The following PREX2 variants were observed in gnomAD, a reference collection of about 807,000 sequenced individuals.
PREX2 encodes the protein phosphatidylinositol-3,4,5-trisphosphate dependent Rac exchange factor 2.
In PREX2, 107 loss-of-function variants were observed where a neutral mutation model predicts 203.2. The ratio of observed to expected loss-of-function variants is 0.53; its 90% CI spans 0.45 to 0.62. The LOEUF is 0.62. Ranked by LOEUF, PREX2 falls within the 20% of genes least tolerant of loss-of-function variation. PREX2 has a pLI of 0.00. For missense variants in PREX2, 1,777 were observed against 1,955.9 expected, an observed-to-expected ratio of 0.91 and a Z score of 1.72; for synonymous variants, 672 against 663.6, an observed-to-expected ratio of 1.01 and a Z score of -0.19.
chr8:67,966,747 T>G (rs1472470179), intron 1 of PREX2, among the ~76,000 whole-genome samples: 1 of 152,254 alleles, frequency 6.6e-6, no homozygotes, highest in Non-Finnish European at 1.5e-5. Flanking sequence ...TAACCCCTAA[T>G]ATGCTAAGCA....
At chr8:68,112,196 A>G (rs1183778886) in intron 25 of PREX2, among the ~76,000 whole-genome samples, 3 of 152,192 alleles carry the variant, frequency 2.0e-5, no homozygotes, top group South Asian at 2.1e-4. Flanking sequence ...TTAATCAAGG[A>G]TTTGTGATTC....
chr8:68,204,807 G>A (rs926622688), intron 37 of PREX2, among the ~76,000 whole-genome samples: 31 of 144,250 alleles, frequency 2.1e-4, no homozygotes, highest in Non-Finnish European at 7.5e-5. Context: ...TCAGCCTCCC[G>A]AGTAGCTGGG....
chr8:68,055,548 A>G (rs570278448), intron 9 of PREX2, among the ~76,000 whole-genome samples: 44 of 152,258 alleles, frequency 2.9e-4, no homozygotes, highest in African/African-American at 9.9e-4. Flanking sequence ...CCAGGGCTCA[A>G]TGGAAGCTGA....
chr8:68,013,364 C>T (rs1369334880), intron 1 of PREX2, among the ~76,000 whole-genome samples: 1 of 152,158 alleles, frequency 6.6e-6, no homozygotes, highest in African/African-American at 2.4e-5. Context: ...TACTGTAAGT[C>T]CTGATCCCTC....
intron 35 of PREX2, among the ~76,000 whole-genome samples, chr8:68,184,025 TAGA>T (rs1406072031): frequency 6.6e-6 from 1 of 152,130 alleles, no homozygotes; most frequent in Admixed American, 6.6e-5. Flanking sequence ...TCCAGGCAAA[TAGA>T]AGATTATCTC....
intron 35 of PREX2, 125 bp downstream of exon 35, chr8:68,157,561 G>A (rs914229421): frequency 1.3e-4 from 64 of 483,612 alleles, no homozygotes; most frequent in African/African-American, 1.8e-4. Flanking sequence ...TAAATTCCTC[G>A]GATTTAGGGT....
chr8:67,978,164 T>C (rs1490815319), intron 1 of PREX2, among the ~76,000 whole-genome samples: 1 of 152,178 alleles, frequency 6.6e-6, no homozygotes, highest in Non-Finnish European at 1.5e-5. Flanking sequence ...CACTGCAGAA[T>C]TGATTGCTTA....
rs188223675 is a variant in PREX2 at position 68,173,466 on chromosome 8, G to A, written c.4346+16030G>A. On this transcript the variant is annotated intron_variant, in intron 35 of 39. Coordinates refer to ENST00000288368, the MANE Select transcript of PREX2 (RefSeq NM_024870.4). ...GAAACCTTGCCACCATTGCTTTACT[G>A]AGAATGTGATATAACTGCACGTACA... 3.4e-3 allele frequency among the ~76,000 whole-genome samples: 511 copies of A among 152,244 alleles called. 5 individuals carry two copies. Among genetic ancestry groups the A allele is most frequent in the South Asian group, 0.013 (61 of 4,822 alleles).
chr8:68,154,302 A>C lies in PREX2; in HGVS notation c.4232-3020A>C, dbSNP rs529024339. On this transcript the variant is annotated intron_variant, in intron 34 of 39. Coordinates refer to ENST00000288368, the MANE Select transcript of PREX2 (RefSeq NM_024870.4). ...CCTAGTAAATAAAACTCATTCAATA[A>C]GTAAGAATACTCATGAGCTGTCTTA... Among the ~76,000 whole-genome samples the C allele has an allele frequency of 7.9e-5, 12 of 152,376 alleles. No homozygotes were observed. In the South Asian group the frequency reaches 2.5e-3, roughly 32 times the overall value.
At chr8:68,120,048 A>G in intron 28 of PREX2, 148 bp from the exon 29 acceptor site, 1 of 523,844 alleles carries the variant, frequency 1.9e-6, no homozygotes, top group East Asian at 3.0e-5. Context: ...TTATTTCAAT[A>G]TTTTATGTAA....
At chr8:68,134,519 A>G (rs1479624409) in intron 32 of PREX2, among the ~76,000 whole-genome samples, 2 of 152,210 alleles carry the variant, frequency 1.3e-5, no homozygotes, top group African/African-American at 4.8e-5. Context: ...GAAAGCCTCC[A>G]TCTGTTACTA....
At chr8:68,020,421 A>T (rs1291691895) in intron 3 of PREX2, among the ~76,000 whole-genome samples, 1 of 151,588 alleles carries the variant, frequency 6.6e-6, no homozygotes, top group African/African-American at 2.4e-5. Flanking sequence ...CCATGTATTT[A>T]TCAAAATGCT....
intron 35 of PREX2, among the ~76,000 whole-genome samples, chr8:68,174,830 A>G (rs1811947703): frequency 6.6e-6 from 1 of 152,212 alleles, no homozygotes; most frequent in African/African-American, 2.4e-5. Flanking sequence ...CACAAGATAT[A>G]AACAGAGGCA....
intron 37 of PREX2, among the ~76,000 whole-genome samples, chr8:68,214,680 G>A (rs1284847196): frequency 6.6e-6 from 1 of 152,178 alleles, no homozygotes; most frequent in South Asian, 2.1e-4. Flanking sequence ...AGATAGTTGG[G>A]AGAAGATGAA....
intron 35 of PREX2, among the ~76,000 whole-genome samples, chr8:68,189,821 A>G (rs1442917415): frequency 1.3e-5 from 2 of 152,332 alleles, no homozygotes; most frequent in East Asian, 3.9e-4. Context: ...TATAATGAGT[A>G]ACAGCCAATC....
chr8:68,014,452 G>T (rs547042263), intron 1 of PREX2, among the ~76,000 whole-genome samples: 22 of 152,220 alleles, frequency 1.4e-4, no homozygotes, highest in South Asian at 2.1e-4. Context: ...GGGTGCGGGG[G>T]GGGCGGCATA....
Position 68,236,034 on chromosome 8 carries a change from T to A in PREX2, c.*4656T>A, listed in dbSNP as rs1813258428. 1 of 152,192 alleles carries A rather than the reference T, an allele frequency of 6.6e-6. No individual in the cohort carries two copies. Among genetic ancestry groups the A allele is most frequent in the South Asian group, 2.1e-4 (1 of 4,836 alleles). 9.4% of individuals were successfully genotyped at this position (152,192 alleles called of 1,614,324 possible). On this transcript the variant is annotated 3_prime_UTR_variant, in exon 40 of 40. Transcript: ENST00000288368. ...TTATATTTACTAGTGTTTGTGATAATGTTATAAAAATTAATAAGATTGTTT... is the reference window on the plus strand; with the variant it reads ...TTATATTTACTAGTGTTTGTGATAAAGTTATAAAAATTAATAAGATTGTTT...
chr8:68,186,094 T>C (rs115238389), intron 35 of PREX2, among the ~76,000 whole-genome samples: 2,455 of 152,206 alleles, frequency 0.016, 293 homozygotes, highest in African/African-American at 0.054. Flanking sequence ...ACTGAAGTTC[T>C]TCAGATACCT....
At chr8:67,974,538 T>C (rs9886484) in intron 1 of PREX2, among the ~76,000 whole-genome samples, 55,861 of 152,002 alleles carry the variant, frequency 0.37, 10,555 homozygotes, top group East Asian at 0.61. Context: ...AACTTTTCCA[T>C]GTAAGGGATA....
Sources: gnomAD v4.1 joint callset for allele counts (sites outside exome capture counted in the v4.1 genomes callset) on GRCh38, gnomAD v4.1.1 for gene constraint, MANE v1.5 for transcripts, NCBI Gene and HGNC (gene_info 2026-07-23, HGNC 2026-07-21) for gene names.